The following PTPN12 variants were observed in gnomAD, a reference collection of about 807,000 sequenced individuals.
The protein encoded by PTPN12 is tyrosine-protein phosphatase non-receptor type 12.
Under a neutral mutation model 97.6 loss-of-function variants are expected in PTPN12, and 29 were observed. The observed-to-expected ratio is 0.30, with a 90% confidence interval of 0.22 to 0.41. The LOEUF is 0.41. Ranked by LOEUF, PTPN12 falls within the 10% of genes least tolerant of loss-of-function variation. PTPN12 has a pLI of 1.00. For synonymous variants in PTPN12, 327 were observed against 300.4 expected (o/e 1.09, Z -0.91); for missense variants, 819 against 926.0 (o/e 0.88, Z 1.50).
intron 4 of PTPN12, 119 bp downstream of exon 4, chr7:77,583,769 C>G (rs1787598732): frequency 1.7e-6 from 1 of 588,902 alleles, no homozygotes; most frequent in South Asian, 3.2e-5. Context: ...TTACTTATTG[C>G]TGATGTTTAC....
chr7:77,543,134 G>A, intron 1 of PTPN12, among the ~76,000 whole-genome samples: 1 of 152,218 alleles, frequency 6.6e-6, no homozygotes, highest in East Asian at 1.9e-4. Flanking sequence ...GGGAGGACCG[G>A]TAAGGTGAGG....
chr7:77,583,293 T>A (rs1787581644), intron 3 of PTPN12, among the ~76,000 whole-genome samples: 1 of 152,208 alleles, frequency 6.6e-6, no homozygotes, highest in Non-Finnish European at 1.5e-5. Flanking sequence ...TAAGTAATAA[T>A]TTTTAATTAG....
chr7:77,583,496 G>T, intron 3 of PTPN12, 59 bp from the exon 4 acceptor site: 2 of 1,036,026 alleles, frequency 1.9e-6, no homozygotes, highest in Non-Finnish European at 1.5e-6. Flanking sequence ...TATATTTTGG[G>T]TAATGAAATA....
intron 14 of PTPN12, 131 bp from the exon 15 acceptor site, chr7:77,635,651 C>A: frequency 2.0e-6 from 1 of 502,584 alleles, no homozygotes; most frequent in Admixed American, 4.1e-5. Flanking sequence ...ATATGCTTAC[C>A]CAGAAACTAC....
Position 77,543,274 on chromosome 7 carries a change from T to TC in PTPN12, c.99+5629_99+5630insC, listed in dbSNP as rs397704615. ...GGGTTTAGTGTCTTTCCATTTTTTT[T>TC]AACATTTTGAAAGTAGATGGTAGGA... On this transcript the variant is annotated intron_variant, in intron 1 of 17. Coordinates refer to ENST00000248594, the MANE Select transcript of PTPN12 (RefSeq NM_002835.4). Among the ~76,000 whole-genome samples, 15 of 151,096 alleles carry TC rather than the reference T, an allele frequency of 9.9e-5. No individual in the cohort carries two copies. The South Asian group carries it at 2.7e-3, about 28-fold the overall frequency.
At chr7:77,583,254 T>A (rs1787580789) in intron 3 of PTPN12, among the ~76,000 whole-genome samples, 1 of 152,184 alleles carries the variant, frequency 6.6e-6, no homozygotes, top group Admixed American at 6.5e-5. Flanking sequence ...GTTGAGTAGG[T>A]ATTAGGGCTT....
chr7:77,597,733 T>C, intron 6 of PTPN12, 109 bp from the exon 7 acceptor site: 1 of 1,315,720 alleles, frequency 7.6e-7, no homozygotes, highest in Non-Finnish European at 9.9e-7. Flanking sequence ...ATCTGGAATT[T>C]TAAAGATTAA....
At chr7:77,574,185 A>T (rs192406684) in intron 2 of PTPN12, among the ~76,000 whole-genome samples, 1 of 152,256 alleles carries the variant, frequency 6.6e-6, no homozygotes, top group Admixed American at 6.5e-5. Context: ...AGTGTTATTG[A>T]GAGTGTGGTT....
chr7:77,557,185 T>C (rs1423593844), intron 1 of PTPN12, among the ~76,000 whole-genome samples: 1 of 152,156 alleles, frequency 6.6e-6, no homozygotes, highest in African/African-American at 2.4e-5. Flanking sequence ...TAGGCTGGTC[T>C]CGAACCCCTG....
intron 5 of PTPN12, among the ~76,000 whole-genome samples, chr7:77,591,595 C>T (rs1005966010): frequency 2.0e-5 from 3 of 152,158 alleles, no homozygotes; most frequent in African/African-American, 7.2e-5. Flanking sequence ...CTTTTACCAT[C>T]TGTGGTACAT....
intron 2 of PTPN12, among the ~76,000 whole-genome samples, chr7:77,574,368 AC>A (rs1295255201): frequency 6.6e-6 from 1 of 152,166 alleles, no homozygotes; most frequent in African/African-American, 2.4e-5. Context: ...TCACAGCAAA[AC>A]TCTGAGGTAA....
At chr7:77,603,476 A>G (rs946412021) in intron 8 of PTPN12, among the ~76,000 whole-genome samples, 4 of 152,320 alleles carry the variant, frequency 2.6e-5, no homozygotes, top group African/African-American at 7.2e-5. Context: ...GTATGTGTAC[A>G]TACAGTATTG....
At chr7:77,631,925 T>A (rs556463404) in intron 13 of PTPN12, among the ~76,000 whole-genome samples, 9 of 152,348 alleles carry the variant, frequency 5.9e-5, no homozygotes, top group African/African-American at 2.2e-4. Context: ...TTACATAGTA[T>A]GGCAAAAATC....
intron 12 of PTPN12, among the ~76,000 whole-genome samples, chr7:77,625,051 C>G (rs563080244): frequency 6.6e-6 from 1 of 152,060 alleles, no homozygotes; most frequent in Non-Finnish European, 1.5e-5. Context: ...ACAAGAATTG[C>G]TGGAACCCAG....
Position 77,627,048 on chromosome 7 carries a change from A to T in PTPN12, c.1369A>T (p.Asn457Tyr), listed in dbSNP as rs145330429. 6.2e-7 allele frequency: 1 copy of T among 1,613,592 alleles called. No individual in the cohort carries two copies. Among genetic ancestry groups the T allele is most frequent in the African/African-American group, 1.3e-5 (1 of 75,016 alleles). ...PKSFDGNTLL[N>Y]RGHAIKIKSA... is the part of the protein sequence containing the mutation. ...AAGTTTTGATGGGAACACACTTTTG[A>T]ATAGGGGACATGCAATTAAAATTAA... The change falls in exon 13 of 18, where the codon AAT (asparagine) becomes TAT (tyrosine). Residue 457 changes from asparagine to tyrosine, a missense_variant. By Grantham distance (143) the Asn-to-Tyr change is moderately radical. Around this residue, in one of 5 missense-constraint regions of PTPN12, gnomAD observed 607 missense variants for 577.3 expected, o/e 1.05. Coordinates refer to ENST00000248594, the MANE Select transcript of PTPN12 (RefSeq NM_002835.4).
chr7:77,634,968 A>G (rs944504141), intron 14 of PTPN12, among the ~76,000 whole-genome samples: 1 of 152,136 alleles, frequency 6.6e-6, no homozygotes, highest in African/African-American at 2.4e-5. Flanking sequence ...CTCCTGCCTC[A>G]GCCTCCTGAG....
intron 9 of PTPN12, among the ~76,000 whole-genome samples, chr7:77,608,742 G>C (rs1460765647): frequency 6.6e-6 from 1 of 151,942 alleles, no homozygotes; most frequent in Non-Finnish European, 1.5e-5. Context: ...AAAGCCCTCT[G>C]GGGTTAAATA....
At chr7:77,612,498 G>A (rs1002321083) in intron 11 of PTPN12, among the ~76,000 whole-genome samples, 28 of 152,284 alleles carry the variant, frequency 1.8e-4, no homozygotes, top group East Asian at 7.7e-4. Context: ...GAGTGCAATG[G>A]TGCAATCTTG....
intron 12 of PTPN12, among the ~76,000 whole-genome samples, chr7:77,623,289 ACTCGATAT>A (rs1176843119): frequency 6.6e-6 from 1 of 152,198 alleles, no homozygotes; most frequent in Non-Finnish European, 1.5e-5. Flanking sequence ...CATATATCAT[ACTCGATAT>A]CTGTCAAGCA....
Sources: gnomAD v4.1 joint callset for allele counts (sites outside exome capture counted in the v4.1 genomes callset) on GRCh38, gnomAD v4.1.1 for gene constraint, gnomAD v4.1.1 regional missense constraint, MANE v1.5 for transcripts, NCBI Gene and HGNC (gene_info 2026-07-23, HGNC 2026-07-21) for gene names.